The following BICC1 variants were observed in gnomAD, a reference collection of about 807,000 sequenced individuals.
BICC1 encodes protein bicaudal C homolog 1.
In BICC1, 43 loss-of-function variants were observed where a neutral mutation model predicts 111.0. The ratio of observed to expected loss-of-function variants is 0.39; its 90% CI spans 0.30 to 0.50. BICC1 has a LOEUF of 0.50. Ranked by LOEUF, BICC1 falls within the 20% of genes least tolerant of loss-of-function variation. The probability of loss-of-function intolerance (pLI) is 0.88; values close to 1 mark genes in which losing one functional copy is unlikely to be tolerated. For synonymous variants in BICC1, 467 were observed against 434.4 expected (o/e 1.07, Z -0.93); for missense variants, 1,091 against 1,203.2 (o/e 0.91, Z 1.38).
At chr10:58,728,947 T>C (rs932541056) in intron 3 of BICC1, among the ~76,000 whole-genome samples, 1 of 152,152 alleles carries the variant, frequency 6.6e-6, no homozygotes, top group African/African-American at 2.4e-5. Flanking sequence ...ATTCAGCAAA[T>C]CATACTGCAA....
chr10:58,657,055 C>T (rs1838679240), intron 2 of BICC1, among the ~76,000 whole-genome samples: 1 of 152,150 alleles, frequency 6.6e-6, no homozygotes, highest in African/African-American at 2.4e-5. Context: ...TTTCTCCATT[C>T]CTCTATCTTA....
chr10:58,587,109 G>A (rs547742981), intron 1 of BICC1, among the ~76,000 whole-genome samples: 17 of 152,128 alleles, frequency 1.1e-4, no homozygotes, highest in African/African-American at 4.1e-4. Flanking sequence ...TGAATATTTA[G>A]TGCCTCAGGT....
At chr10:58,738,113 T>C (rs987639983) in intron 3 of BICC1, among the ~76,000 whole-genome samples, 2 of 152,222 alleles carry the variant, frequency 1.3e-5, no homozygotes, top group Non-Finnish European at 2.9e-5. Context: ...TTTGTCAATT[T>C]TGGCTTTTGT....
In BICC1 at chr10:58,785,006, C is replaced by T; in HGVS notation, c.313C>T (p.His105Tyr). 6.4e-7 allele frequency: 1 copy of T among 1,567,568 alleles called. No individual in the cohort carries two copies. The highest frequency in any genetic ancestry group is 8.7e-7 in the Non-Finnish European group (1 of 1,146,182). ...CTTTTATTTCTTTCTTATAGATCCC[C>T]ATATTAAGGTTTCTGGAAAGAAAGA... is the stretch of plus-strand genomic sequence containing the variant. ...KIGAKSKKDP[H>Y]IKVSGKKEDV... Residue 105 changes from histidine to tyrosine, a missense_variant, in exon 4 of 21, where the codon CAT (histidine) becomes TAT (tyrosine). Physicochemically the swap from His to Tyr is moderately conservative, Grantham distance 83. Around this residue, in one of 3 missense-constraint regions of BICC1, gnomAD observed 843 missense variants for 900.8 expected, o/e 0.94. Coordinates refer to ENST00000373886, the MANE Select transcript of BICC1 (RefSeq NM_001080512.3).
intron 3 of BICC1, among the ~76,000 whole-genome samples, chr10:58,707,847 G>A (rs1840436687): frequency 6.6e-6 from 1 of 151,954 alleles, no homozygotes; most frequent in African/African-American, 2.4e-5. Context: ...CAAGGCACCT[G>A]CCACCACGCC....
intron 2 of BICC1, among the ~76,000 whole-genome samples, chr10:58,655,829 A>C (rs1223852231): frequency 6.7e-6 from 1 of 148,268 alleles, no homozygotes; most frequent in Non-Finnish European, 1.5e-5. Flanking sequence ...TTTGTCATAG[A>C]TAGCTCTTAT....
intron 3 of BICC1, among the ~76,000 whole-genome samples, chr10:58,766,764 C>T (rs894934118): frequency 2.0e-5 from 3 of 151,976 alleles, no homozygotes; most frequent in Non-Finnish European, 4.4e-5. Context: ...TAAAGCAGCA[C>T]AGTTCAGTGC....
intron 3 of BICC1, chr10:58,715,573 G>C: frequency 6.3e-7 from 1 of 1,576,442 alleles, no homozygotes; most frequent in Non-Finnish European, 8.7e-7. Context: ...CGGGACAATC[G>C]GGTGGCCTAT....
chr10:58,749,656 C>G (rs910708371), intron 3 of BICC1, among the ~76,000 whole-genome samples: 1 of 152,084 alleles, frequency 6.6e-6, no homozygotes, highest in South Asian at 2.1e-4. Flanking sequence ...CAACCTGTTT[C>G]TCAAATGCCC....
At chr10:58,631,763 CAG>C (rs1486140906) in intron 2 of BICC1, among the ~76,000 whole-genome samples, 4 of 152,092 alleles carry the variant, frequency 2.6e-5, no homozygotes, top group African/African-American at 9.7e-5. Flanking sequence ...GAAAACAAAA[CAG>C]AAAAATAACC....
chr10:58,594,221 C>A (rs886354664), intron 1 of BICC1, among the ~76,000 whole-genome samples: 1 of 151,988 alleles, frequency 6.6e-6, no homozygotes, highest in African/African-American at 2.4e-5. Flanking sequence ...AAGTACAGGA[C>A]TGTGTGAAAA....
At position 58,574,189 on chromosome 10, in the gene BICC1, T is replaced by A. The variant is rs78847733; in HGVS notation, c.191-46666T>A. Among the ~76,000 whole-genome samples, 444 of 152,254 alleles carry A rather than the reference T, an allele frequency of 2.9e-3. 3 individuals carry two copies. The highest frequency in any genetic ancestry group is 0.01 in the African/African-American group (425 of 41,546). ...TTACATGCACTGTGCTGAAGTGTTTTAAAGATAATTACAGACAGCACAACA... is the reference window on the plus strand; with the variant it reads ...TTACATGCACTGTGCTGAAGTGTTTAAAAGATAATTACAGACAGCACAACA... On this transcript the variant is annotated intron_variant, in intron 1 of 20. Coordinates refer to ENST00000373886, the MANE Select transcript of BICC1 (RefSeq NM_001080512.3).
intron 1 of BICC1, among the ~76,000 whole-genome samples, chr10:58,549,754 C>T (rs1564483216): frequency 6.7e-6 from 1 of 148,918 alleles, no homozygotes; most frequent in African/African-American, 2.5e-5. Context: ...GGTGTGATCT[C>T]GGCTCACTGC....
intron 2 of BICC1, among the ~76,000 whole-genome samples, chr10:58,671,577 A>C (rs1839187014): frequency 6.6e-6 from 1 of 152,154 alleles, no homozygotes; most frequent in South Asian, 2.1e-4. Context: ...CCATGTGTCC[A>C]GCTAAAAATG....
chr10:58,640,619 C>CA (rs1459001597), intron 2 of BICC1, among the ~76,000 whole-genome samples: 1 of 152,120 alleles, frequency 6.6e-6, no homozygotes, highest in African/African-American at 2.4e-5. Flanking sequence ...ATTTACTCAC[C>CA]AAAAATTGTT....
chr10:58,536,089 C>T (rs955750287), intron 1 of BICC1, among the ~76,000 whole-genome samples: 4 of 151,598 alleles, frequency 2.6e-5, no homozygotes, highest in East Asian at 1.9e-4. Flanking sequence ...GCAACTACCA[C>T]TAGACCTAAG....
chr10:58,623,649 C>T (rs1007993288), intron 2 of BICC1, among the ~76,000 whole-genome samples: 3 of 152,186 alleles, frequency 2.0e-5, no homozygotes, highest in Non-Finnish European at 4.4e-5. Context: ...CATTCAGTGA[C>T]CCAGGCTCCT....
At chr10:58,825,812 T>C (rs1844377272) in intron 20 of BICC1, among the ~76,000 whole-genome samples, 1 of 152,200 alleles carries the variant, frequency 6.6e-6, no homozygotes, top group African/African-American at 2.4e-5. Context: ...TTTAGTACAA[T>C]ACCATAGACC....
At chr10:58,775,787 A>G (rs1252650639) in intron 3 of BICC1, among the ~76,000 whole-genome samples, 1 of 152,204 alleles carries the variant, frequency 6.6e-6, no homozygotes, top group Non-Finnish European at 1.5e-5. Context: ...GAAGGCAGAT[A>G]GGCATTTTGC....
Sources: allele counts gnomAD v4.1 joint callset (sites outside exome capture counted in the v4.1 genomes callset), GRCh38; gene constraint gnomAD v4.1.1; regional missense constraint gnomAD v4.1.1; transcripts MANE v1.5; gene names NCBI Gene and HGNC (gene_info 2026-07-23, HGNC 2026-07-21).